The following NIF3L1 variants were observed in gnomAD, a reference collection of about 807,000 sequenced individuals.
The protein encoded by NIF3L1 is NIF3-like protein 1.
In NIF3L1, 26 loss-of-function variants were observed where a neutral mutation model predicts 35.0. The observed-to-expected ratio is 0.74, with a 90% CI of 0.54 to 1.03. The LOEUF (loss-of-function observed/expected upper bound fraction) is 1.03. NIF3L1 is among the 50% of genes least tolerant of loss of function. The pLI is 0.00. For missense variants in NIF3L1, 449 were observed against 466.3 expected (o/e 0.96, Z 0.34); for synonymous variants, 157 against 178.9 (o/e 0.88, Z 0.98).
chr2:200,902,103 T>C (rs999650335), intron 6 of NIF3L1, among the ~76,000 whole-genome samples: 1 of 152,200 alleles, frequency 6.6e-6, no homozygotes, highest in African/African-American at 2.4e-5. Context: ...ATGGGAAAAT[T>C]AAAAGAGAAC....
chr2:200,902,959 G>C (rs1054206202), intron 6 of NIF3L1, among the ~76,000 whole-genome samples: 3 of 152,106 alleles, frequency 2.0e-5, no homozygotes, highest in Non-Finnish European at 4.4e-5. Context: ...TAATTGCCTT[G>C]GGGTCTGCTA....
At chr2:200,896,969 G>A (rs1032343773) in intron 4 of NIF3L1, 107 bp from the exon 5 acceptor site, 2 of 1,081,236 alleles carry the variant, frequency 1.8e-6, no homozygotes, top group African/African-American at 3.2e-5. Context: ...CCCACATTTA[G>A]CCTGGAGCTT....
chr2:200,897,745 T>C (rs1285721133), intron 5 of NIF3L1, among the ~76,000 whole-genome samples: 3 of 152,160 alleles, frequency 2.0e-5, no homozygotes, highest in Non-Finnish European at 4.4e-5. Context: ...AGTTTCTAAG[T>C]CTTGTAGTTT....
At chr2:200,902,216 AG>A (rs1372337944) in intron 6 of NIF3L1, among the ~76,000 whole-genome samples, 1 of 152,224 alleles carries the variant, frequency 6.6e-6, no homozygotes, top group Non-Finnish European at 1.5e-5. Flanking sequence ...AATTGTACAC[AG>A]TACAGTTTTG....
intron 5 of NIF3L1, chr2:200,899,115 T>C: frequency 3.1e-6 from 1 of 323,572 alleles, no homozygotes. Context: ...CATTGTTCCG[T>C]ATTTTGCGCA....
At chr2:200,898,196 ACG>A (rs2040349906) in intron 5 of NIF3L1, among the ~76,000 whole-genome samples, 1 of 152,196 alleles carries the variant, frequency 6.6e-6, no homozygotes. Context: ...GTTCGTTCTC[ACG>A]CTGCTATGAA....
intron 3 of NIF3L1, among the ~76,000 whole-genome samples, chr2:200,894,098 C>T (rs1036701466): frequency 2.7e-5 from 4 of 150,312 alleles, no homozygotes; most frequent in South Asian, 2.1e-4. Context: ...CACTTGAACC[C>T]GAGAGGCGGA....
chr2:200,889,451 G>C lies in NIF3L1; in HGVS notation c.-228G>C, dbSNP rs767381089. 1 of 210,664 alleles carries C rather than the reference G, an allele frequency of 4.7e-6. No individual in the cohort carries two copies. The highest frequency in any genetic ancestry group is 5.4e-5 in the Admixed American group (1 of 18,514). The allele number at this position is 210,664 out of a possible 1,614,324, so 13.0% of individuals were successfully genotyped here. ...AGTTGTGACCTTCGCGGTAGGTGCCGGTTGGGGCCGGCTGTGATTGTTATC... is the reference window on the plus strand; with the variant it reads ...AGTTGTGACCTTCGCGGTAGGTGCCCGTTGGGGCCGGCTGTGATTGTTATC... On this transcript the variant is annotated 5_prime_UTR_variant, in exon 1 of 7. Coordinates refer to ENST00000409020, the MANE Select transcript of NIF3L1 (RefSeq NM_001369441.2).
At position 200,892,098 on chromosome 2, in the gene NIF3L1, T is replaced by A; in HGVS notation, c.155T>A (p.Val52Asp). 2 of 1,614,212 alleles carry A rather than the reference T, an allele frequency of 1.2e-6. No individual in the cohort carries two copies. Residue 52 changes from valine to aspartate, a missense_variant, in exon 2 of 7, where the codon GTT (valine) becomes GAT (aspartate). Physicochemically the swap from Val to Asp is radical, Grantham distance 152. Coordinates refer to ENST00000409020, the MANE Select transcript of NIF3L1 (RefSeq NM_001369441.2). ...SLSFAESWDN[V>D]GLLVEPSPPH... ...TCGTTTGCTGAGAGTTGGGACAATG[T>A]TGGATTACTGGTGGAACCAAGCCCA...
At chr2:200,899,346 A>G (rs76368892) in intron 5 of NIF3L1, 39 bp from the exon 6 acceptor site, 36,339 of 1,445,626 alleles carry the variant, frequency 0.025, 601 homozygotes, top group Non-Finnish European at 0.03. Flanking sequence ...ATGAAAGGGA[A>G]TTGTAAAGTA....
At position 200,892,108 on chromosome 2, in the gene NIF3L1, G is replaced by A; in HGVS notation, c.165G>A (p.Leu55=). The change falls in exon 2 of 7, where the codon CTG becomes CTA. Residue 55 remains leucine (L), a synonymous_variant. Coordinates refer to ENST00000409020, the MANE Select transcript of NIF3L1 (RefSeq NM_001369441.2). ...AGAGTTGGGACAATGTTGGATTACT[G>A]GTGGAACCAAGCCCACCACATACTG... ...FAESWDNVGL[L]VEPSPPHTVN... The A allele has an allele frequency of 2.5e-6, 4 of 1,614,160 alleles. No individual in the cohort carries two copies. The highest frequency in any genetic ancestry group is 3.4e-6 in the Non-Finnish European group (4 of 1,180,038).
chr2:200,903,562 A>C lies in NIF3L1; in HGVS notation c.1018A>C (p.Ser340Arg), dbSNP rs182064368. Residue 340 changes from serine to arginine, a missense_variant, in exon 7 of 7, where the codon AGC becomes CGC. By Grantham distance (110) the Ser-to-Arg change is moderately radical (BLOSUM62 -1). Transcript: ENST00000409020. ...AATAAATGTCATCCTCTGTGAACAC[A>C]GCAACACTGAACGAGGCTTTCTTTC... ...QGINVILCEH[S>R]NTERGFLSDL... The C allele has an allele frequency of 5.6e-6, 9 of 1,614,092 alleles. No individual in the cohort carries two copies. The highest frequency in any genetic ancestry group is 3.3e-5 in the Admixed American group (2 of 60,026).
Position 200,893,519 on chromosome 2 carries a change from G to C in NIF3L1, c.599+111G>C, listed in dbSNP as rs932579242. 2.6e-5 allele frequency: 27 copies of C among 1,034,558 alleles called. No homozygotes were observed. The East Asian group carries it at 3.3e-4, about 13-fold the overall frequency. The allele number at this position is 1,034,558 out of a possible 1,614,324, so 64.1% of individuals were successfully genotyped here. A position where few individuals can be genotyped will look rare whatever the true frequency, so the allele number is the denominator to read the frequency against. On this transcript the variant is annotated intron_variant, in intron 3 of 6. Transcript: ENST00000409020. ...GAAACAAATAGTTTTCTCTGGAGTT[G>C]ATTTACAAAGTAGCATACTCCTCAT... is the stretch of plus-strand genomic sequence containing the variant.
rs1191575766 is a variant in NIF3L1 at position 200,897,089 on chromosome 2, A to AT, written c.741dup (p.Thr248TyrfsTer11). The AT allele has an allele frequency of 6.2e-7, 1 of 1,613,794 alleles. No individual in the cohort carries two copies. Among genetic ancestry groups the AT allele is most frequent in the Non-Finnish European group, 8.5e-7 (1 of 1,179,882 alleles). On this transcript the variant is annotated frameshift_variant, in exon 5 of 7. Transcript: ENST00000409020. LOFTEE classifies it high-confidence loss of function. Reference sequence around the variant, plus strand: ...GTTTCTCCTCAGCCTTTGCTTCTACATACTGGAATGGGACGGTTATGCACA... The same window carrying AT: ...GTTTCTCCTCAGCCTTTGCTTCTACATTACTGGAATGGGACGGTTATGCACA...
In NIF3L1 at chr2:200,891,294, C is replaced by T. The variant is rs575004108; in HGVS notation, c.-26-624C>T. Among the ~76,000 whole-genome samples the T allele has an allele frequency of 1.8e-4, 27 of 152,300 alleles. 1 individual carries two copies. In the South Asian group the frequency reaches 2.3e-3, roughly 13 times the overall value. On this transcript the variant is annotated intron_variant, in intron 1 of 6. Transcript: ENST00000409020. Reference sequence around the variant, plus strand: ...CATTGTAATGCCAGTATATACCACCCCAACTCCAAATTCTGTTGCAATCAG... The same window carrying T: ...CATTGTAATGCCAGTATATACCACCTCAACTCCAAATTCTGTTGCAATCAG...
rs201053124 is a variant in NIF3L1 at position 200,895,344 on chromosome 2, G to A, written c.680G>A (p.Arg227Gln). Residue 227 changes from arginine to glutamine, a missense_variant, in exon 4 of 7, where the codon CGG becomes CAG. By Grantham distance (43) the Arg-to-Gln change is conservative (BLOSUM62 1). Coordinates refer to ENST00000409020, the MANE Select transcript of NIF3L1 (RefSeq NM_001369441.2). ...ATGCAGGTGGTAGATTTTCTTTCCC[G>A]GAACAAACAACTTTATCAGAAGACG... The part of the protein sequence containing the change: ...ALMQVVDFLS[R>Q]NKQLYQKTEI... 1.2e-3 allele frequency: 1,978 copies of A among 1,613,896 alleles called. 6 individuals are homozygous for A. The highest frequency in any genetic ancestry group is 1.1e-3 in the Non-Finnish European group (1,346 of 1,179,882).
intron 1 of NIF3L1, among the ~76,000 whole-genome samples, chr2:200,891,247 T>C (rs927186140): frequency 2.6e-5 from 4 of 152,172 alleles, no homozygotes; most frequent in African/African-American, 9.7e-5. Flanking sequence ...CCCGCCACAT[T>C]ATTCTGTTTT....
At chr2:200,890,977 T>G (rs1051898421) in intron 1 of NIF3L1, among the ~76,000 whole-genome samples, 6 of 151,724 alleles carry the variant, frequency 4.0e-5, no homozygotes, top group Admixed American at 2.0e-4. Flanking sequence ...TTTTTCTTTT[T>G]GAGACGGAGT....
intron 1 of NIF3L1, among the ~76,000 whole-genome samples, chr2:200,889,932 A>G (rs1255311690): frequency 6.6e-6 from 1 of 152,184 alleles, no homozygotes; most frequent in Non-Finnish European, 1.5e-5. Context: ...GACTGTGGCC[A>G]TGTAGCTTCG....
Sources: gnomAD v4.1 joint callset for allele counts (sites outside exome capture counted in the v4.1 genomes callset) on GRCh38, gnomAD v4.1.1 for gene constraint, MANE v1.5 for transcripts, NCBI Gene and HGNC (gene_info 2026-07-23, HGNC 2026-07-21) for gene names.